MYCBP2: variants seen among roughly 807,000 people sequenced by gnomAD.
MYCBP2 encodes the protein E3 ubiquitin-protein ligase MYCBP2.
MYCBP2 carries 120 observed loss-of-function variants against 525.3 expected under a neutral mutation model. That is an observed-to-expected ratio of 0.23 (90% CI 0.20 to 0.27). The LOEUF is 0.27. MYCBP2 is among the 10% of genes least tolerant of loss of function. The pLI is 1.00. For synonymous variants in MYCBP2, 1,894 were observed against 1,955.8 expected, an observed-to-expected ratio of 0.97 and a Z score of 0.83; for missense variants, 4,149 against 5,657.1, an observed-to-expected ratio of 0.73 and a Z score of 8.55.
intron 42 of MYCBP2, 75 bp downstream of exon 42, chr13:77,165,198 C>T: frequency 7.8e-7 from 1 of 1,283,662 alleles, no homozygotes; most frequent in Non-Finnish European, 1.1e-6. Context: ...CAATTTAAGT[C>T]AGTTAGAAGC....
At chr13:77,239,676 C>T (rs9788300) in intron 17 of MYCBP2, among the ~76,000 whole-genome samples, 24,880 of 152,066 alleles carry the variant, frequency 0.16, 2,338 homozygotes, top group South Asian at 0.4. Context: ...TTTTTTGTTT[C>T]AGTAGAGATC....
At chr13:77,271,522 T>C (rs1306361656) in intron 5 of MYCBP2, among the ~76,000 whole-genome samples, 2 of 152,218 alleles carry the variant, frequency 1.3e-5, no homozygotes, top group African/African-American at 4.8e-5. Flanking sequence ...AAATCTCATC[T>C]TGAATTCCCA....
intron 18 of MYCBP2, among the ~76,000 whole-genome samples, chr13:77,232,020 CTA>C (rs1389766514): frequency 2.0e-5 from 3 of 152,158 alleles, no homozygotes; most frequent in Non-Finnish European, 2.9e-5. Flanking sequence ...ATTTAAAACA[CTA>C]TTTTTATTTC....
chr13:77,292,289 T>C (rs1160375565), intron 2 of MYCBP2, among the ~76,000 whole-genome samples: 1 of 152,170 alleles, frequency 6.6e-6, no homozygotes, highest in Non-Finnish European at 1.5e-5. Flanking sequence ...GTATCCTTTG[T>C]TGTAATAAAT....
At chr13:77,065,886 A>T in intron 72 of MYCBP2, 106 bp downstream of exon 72, 1 of 671,176 alleles carries the variant, frequency 1.5e-6, no homozygotes, top group Non-Finnish European at 2.5e-6. Context: ...ATAGTCTTTA[A>T]GTAAAGTTAC....
intron 69 of MYCBP2, among the ~76,000 whole-genome samples, chr13:77,069,692 T>TG (rs2040824328): frequency 1.4e-5 from 1 of 70,390 alleles, no homozygotes; most frequent in East Asian, 4.0e-4. Flanking sequence ...CCGTCTGTAC[T>TG]AAAAAAAAAA....
rs767316186 is a variant in MYCBP2 at position 77,205,259 on chromosome 13, A to T, written c.3840T>A (p.Ile1280=). 4.4e-6 allele frequency: 7 copies of T among 1,582,656 alleles called. No individual in the cohort carries two copies. Among genetic ancestry groups the T allele is most frequent in the Non-Finnish European group, 6.0e-6 (7 of 1,162,776 alleles). Residue 1280 remains isoleucine, a synonymous_variant, in exon 26 of 83, where the codon ATT becomes ATA. Transcript: ENST00000544440. ...CAACATTGTTGATGAACTTTACCTT[A>T]ATTTTAGCAGTATATTCTCCTCTAC... The part of the protein sequence containing the change: ...FGGRGEYTAK[I]KLFELGPDGG...
intron 33 of MYCBP2, among the ~76,000 whole-genome samples, chr13:77,181,458 G>C (rs2060213719): frequency 6.6e-6 from 1 of 151,974 alleles, no homozygotes; most frequent in Non-Finnish European, 1.5e-5. Flanking sequence ...TTTTTTTAAA[G>C]GTGTGTGATT....
At chr13:77,063,619 C>T (rs981879767) in intron 73 of MYCBP2, among the ~76,000 whole-genome samples, 3 of 147,830 alleles carry the variant, frequency 2.0e-5, no homozygotes, top group Non-Finnish European at 4.5e-5. Flanking sequence ...ATTTCTGAGG[C>T]TTAAAGGGTA....
intron 26 of MYCBP2, among the ~76,000 whole-genome samples, chr13:77,202,778 A>G (rs2062792404): frequency 6.6e-6 from 1 of 152,230 alleles, no homozygotes; most frequent in African/African-American, 2.4e-5. Flanking sequence ...ATATAAACAG[A>G]ACCAAAGACA....
At chr13:77,219,237 T>C (rs727839) in intron 20 of MYCBP2, among the ~76,000 whole-genome samples, 24,970 of 151,582 alleles carry the variant, frequency 0.16, 2,347 homozygotes, top group South Asian at 0.4. Flanking sequence ...ATTGGAGGAG[T>C]AGGTTTCAAG....
At chr13:77,181,259 C>T (rs1468210370) in intron 33 of MYCBP2, among the ~76,000 whole-genome samples, 2 of 152,026 alleles carry the variant, frequency 1.3e-5, no homozygotes, top group East Asian at 1.9e-4. Context: ...GTTTCCTATA[C>T]CTATTATTTA....
intron 57 of MYCBP2, 145 bp downstream of exon 57, chr13:77,096,162 AATATT>A: frequency 1.2e-6 from 1 of 828,642 alleles, no homozygotes; most frequent in Non-Finnish European, 1.8e-6. Flanking sequence ...ACTTAGTACA[AATATT>A]AAATTTGTAT....
intron 55 of MYCBP2, among the ~76,000 whole-genome samples, chr13:77,108,116 A>T (rs2048133706): frequency 6.6e-6 from 1 of 152,192 alleles, no homozygotes; most frequent in South Asian, 2.1e-4. Context: ...AAATAGAAAC[A>T]AGCTTTTTAC....
chr13:77,152,159 C>T lies in MYCBP2; in HGVS notation c.6916-1210G>A, dbSNP rs190361476. On this transcript the variant is annotated intron_variant, in intron 46 of 82. Coordinates refer to ENST00000544440, the MANE Select transcript of MYCBP2 (RefSeq NM_015057.5). ...TATGGAATCAGTAGTTTGAGACTTT[C>T]GCTATTTATATAATGTTAGGCACAG... Among the ~76,000 whole-genome samples, 837 of 152,218 alleles carry T rather than the reference C, an allele frequency of 5.5e-3. 33 individuals carry two copies. Among genetic ancestry groups the T allele is most frequent in the Non-Finnish European group, 1.2e-3 (82 of 68,006 alleles).
intron 60 of MYCBP2, 112 bp from the exon 61 acceptor site, chr13:77,089,143 C>G: frequency 1.3e-6 from 1 of 763,108 alleles, no homozygotes; most frequent in East Asian, 2.8e-5. Context: ...TTGAACATGA[C>G]ACAAATCATA....
chr13:77,124,253 T>C (rs2051265789), intron 54 of MYCBP2, among the ~76,000 whole-genome samples: 1 of 152,178 alleles, frequency 6.6e-6, no homozygotes, highest in African/African-American at 2.4e-5. Context: ...TTTAAGATTA[T>C]ATCACCTACC....
chr13:77,062,139 G>A (rs1002029578), intron 74 of MYCBP2, among the ~76,000 whole-genome samples: 6 of 152,132 alleles, frequency 3.9e-5, no homozygotes, highest in Non-Finnish European at 5.9e-5. Context: ...ATAAGAAAAT[G>A]GTGAAAGGGC....
intron 18 of MYCBP2, among the ~76,000 whole-genome samples, chr13:77,229,868 A>G (rs1238481304): frequency 6.6e-6 from 1 of 152,190 alleles, no homozygotes; most frequent in African/African-American, 2.4e-5. Context: ...TCAGATGTTT[A>G]TCAGTGTGCC....
Sources: allele counts gnomAD v4.1 joint callset (sites outside exome capture counted in the v4.1 genomes callset), GRCh38; gene constraint gnomAD v4.1.1; transcripts MANE v1.5; gene names NCBI Gene and HGNC (gene_info 2026-07-23, HGNC 2026-07-21).